Variants in MYZAP observed in about 807,000 individuals in gnomAD.
The protein encoded by MYZAP is GRINL1A complex locus upstream.
A neutral mutation model predicts 69.4 loss-of-function variants in MYZAP; 66 were observed. That is an observed-to-expected ratio of 0.95 (90% confidence interval 0.78 to 1.17). MYZAP has a LOEUF of 1.17. MYZAP is among the 50% of genes most tolerant of loss of function. The pLI, the probability that MYZAP is intolerant of heterozygous loss-of-function variation, is 0.00. For missense variants in MYZAP, 611 were observed against 556.2 expected (o/e 1.10, Z -0.99); for synonymous variants, 256 against 205.9 (o/e 1.24, Z -2.09).
In MYZAP at chr15:57,592,022, C is replaced by A; in HGVS notation, c.-13C>A. On this transcript the variant is annotated 5_prime_UTR_variant, in exon 1 of 13. Transcript: ENST00000267853. ...ACGCCGGCGTCCAGCCCGCTACCGA[C>A]CGCCGCTGCGGGATGCTGCGCTCCA... The A allele has an allele frequency of 7.0e-7, 1 of 1,432,486 alleles. No individual in the cohort carries two copies. The highest frequency in any genetic ancestry group is 1.4e-5 in the South Asian group (1 of 70,972). The allele number at this position is 1,432,486 out of a possible 1,614,324, so 88.7% of individuals were successfully genotyped here. A position where few individuals can be genotyped will look rare whatever the true frequency, so the allele number is the denominator to read the frequency against.
chr15:57,672,291 A>T (rs2038903528), intron 11 of MYZAP, among the ~76,000 whole-genome samples: 1 of 152,200 alleles, frequency 6.6e-6, no homozygotes, highest in African/African-American at 2.4e-5. Context: ...CTCTACTGCC[A>T]CCACCATGAC....
At chr15:57,642,812 C>T (rs1341645693) in intron 10 of MYZAP, among the ~76,000 whole-genome samples, 3 of 149,402 alleles carry the variant, frequency 2.0e-5, no homozygotes, top group Non-Finnish European at 4.5e-5. Context: ...CAGGTTTTGT[C>T]ATCCTTAGCT....
At position 57,684,647 on chromosome 15, in the gene MYZAP, G is replaced by T; in HGVS notation, c.*149G>T. 1.6e-6 allele frequency: 1 copy of T among 618,484 alleles called. No homozygotes were observed. The highest frequency in any genetic ancestry group is 2.8e-6 in the Non-Finnish European group (1 of 351,540). 38.3% of individuals were successfully genotyped at this position (618,484 alleles called of 1,614,324 possible). A position where few individuals can be genotyped will look rare whatever the true frequency, so the allele number is the denominator to read the frequency against. ...GAGGCTCTGATCCACTTCTAAGACAGGAAGGAAAGTGAAGGCAGAGTGAGC... is the reference window on the plus strand; with the variant it reads ...GAGGCTCTGATCCACTTCTAAGACATGAAGGAAAGTGAAGGCAGAGTGAGC... On this transcript the variant is annotated 3_prime_UTR_variant, in exon 13 of 13. Transcript: ENST00000267853.
intron 11 of MYZAP, among the ~76,000 whole-genome samples, chr15:57,662,307 G>A (rs1462256213): frequency 1.3e-5 from 2 of 152,202 alleles, no homozygotes; most frequent in African/African-American, 4.8e-5. Context: ...CCTTATCTGT[G>A]TTCCTCGTTA....
At chr15:57,673,081 A>G (rs1419409112) in intron 11 of MYZAP, among the ~76,000 whole-genome samples, 1 of 152,162 alleles carries the variant, frequency 6.6e-6, no homozygotes, top group Non-Finnish European at 1.5e-5. Context: ...TACTGATTGC[A>G]TTATATTCTC....
intron 1 of MYZAP, among the ~76,000 whole-genome samples, chr15:57,593,242 C>G (rs1447342838): frequency 7.2e-6 from 1 of 138,772 alleles, no homozygotes; most frequent in African/African-American, 2.8e-5. Flanking sequence ...TGGCTCATGC[C>G]CAAGGTTGAC....
At chr15:57,663,211 A>G (rs4578589) in intron 11 of MYZAP, among the ~76,000 whole-genome samples, 96,594 of 141,860 alleles carry the variant, frequency 0.68, 31,352 homozygotes, top group East Asian at 0.87. Flanking sequence ...AGTGCCCCCC[A>G]CCCCCACCTC....
intron 12 of MYZAP, among the ~76,000 whole-genome samples, chr15:57,678,854 CT>C (rs145827201): frequency 2.3e-3 from 334 of 147,518 alleles, no homozygotes; most frequent in African/African-American, 7.9e-3. Context: ...AGCTGCTCTA[CT>C]TTTTTTTTTG....
Position 57,628,823 on chromosome 15 carries a change from G to A in MYZAP, c.526-879G>A, listed in dbSNP as rs181035674. On this transcript the variant is annotated intron_variant, in intron 5 of 12. Coordinates refer to ENST00000267853, the MANE Select transcript of MYZAP (RefSeq NM_001018100.5). ...AGGGAGGCCGGGCGTGGTGGCTCAC[G>A]CCTGTAATCCCAGCACTTTGGGAGG... Among the ~76,000 whole-genome samples the A allele has an allele frequency of 6.2e-3, 948 of 152,132 alleles. 13 individuals carry two copies. Among genetic ancestry groups the A allele is most frequent in the African/African-American group, 0.022 (895 of 41,528 alleles).
intron 11 of MYZAP, among the ~76,000 whole-genome samples, chr15:57,670,061 A>G (rs79888689): frequency 0.022 from 3,368 of 152,238 alleles, 61 homozygotes; most frequent in Non-Finnish European, 0.034. Context: ...TTTCAATTAA[A>G]TTTTTGTGAA....
chr15:57,646,859 A>G (rs1292743864), intron 10 of MYZAP: 2 of 985,344 alleles, frequency 2.0e-6, no homozygotes, highest in Admixed American at 6.1e-5. Context: ...AGAGAAATCT[A>G]TCTGGCTGAA....
intron 5 of MYZAP, among the ~76,000 whole-genome samples, chr15:57,626,538 A>G (rs1412477004): frequency 2.0e-5 from 3 of 152,202 alleles, no homozygotes; most frequent in Admixed American, 1.3e-4. Context: ...GTCCCCTAAC[A>G]TGCAAATTAA....
rs1206596841 is a variant in MYZAP, at chr15:57,591,985, T to C, written c.-50T>C. ...CAGGGCGGGCCCCGCACGCTTATTC[T>C]GCCCGGGAGGAACGCCGGCGTCCAG... On this transcript the variant is annotated 5_prime_UTR_variant, in exon 1 of 13. Coordinates refer to ENST00000267853, the MANE Select transcript of MYZAP (RefSeq NM_001018100.5). 2 of 1,392,350 alleles carry C rather than the reference T, an allele frequency of 1.4e-6. No homozygotes were observed. Among genetic ancestry groups the C allele is most frequent in the Non-Finnish European group, 1.9e-6 (2 of 1,075,906 alleles). 86.2% of individuals were successfully genotyped at this position (1,392,350 alleles called of 1,614,324 possible). A position where few individuals can be genotyped will look rare whatever the true frequency, so the allele number is the denominator to read the frequency against.
At chr15:57,670,650 TG>T (rs2038825145) in intron 11 of MYZAP, among the ~76,000 whole-genome samples, 1 of 152,096 alleles carries the variant, frequency 6.6e-6, no homozygotes, top group Admixed American at 6.5e-5. Context: ...CCTTCTGGTT[TG>T]TTTTGCTTAT....
At chr15:57,607,132 G>C (rs1386459172) in intron 2 of MYZAP, among the ~76,000 whole-genome samples, 1 of 152,206 alleles carries the variant, frequency 6.6e-6, no homozygotes, top group Non-Finnish European at 1.5e-5. Flanking sequence ...TTGAAGAAGT[G>C]GCCTAAGCTG....
intron 8 of MYZAP, among the ~76,000 whole-genome samples, chr15:57,636,129 CTTGTTTT>C (rs1434279907): frequency 7.9e-5 from 12 of 151,352 alleles, no homozygotes; most frequent in Admixed American, 7.2e-4. Context: ...CTTTTTCTTT[CTTGTTTT>C]TTGTTTTTTT....
intron 12 of MYZAP, 119 bp from the exon 13 acceptor site, chr15:57,684,283 T>C: frequency 2.9e-6 from 2 of 685,964 alleles, no homozygotes. Context: ...TAAGCTGCAT[T>C]ATTGTCTTTT....
chr15:57,675,146 T>A, intron 12 of MYZAP, 78 bp downstream of exon 12: 18 of 1,265,330 alleles, frequency 1.4e-5, no homozygotes, highest in Non-Finnish European at 1.9e-5. Context: ...AGGCTGTTCT[T>A]AGCAGAATTG....
At chr15:57,663,593 G>A (rs2038417504) in intron 11 of MYZAP, among the ~76,000 whole-genome samples, 2 of 152,290 alleles carry the variant, frequency 1.3e-5, no homozygotes, top group African/African-American at 2.4e-5. Context: ...GAAAGCTGGG[G>A]CATTTATCCA....
Sources: gnomAD v4.1 joint callset for allele counts (sites outside exome capture counted in the v4.1 genomes callset) on GRCh38, gnomAD v4.1.1 for gene constraint, MANE v1.5 for transcripts, NCBI Gene and HGNC (gene_info 2026-07-23, HGNC 2026-07-21) for gene names.